SLC6A20: variants seen among roughly 807,000 people sequenced by gnomAD.
The protein encoded by SLC6A20 is sodium- and chloride-dependent transporter XTRP3.
Under a neutral mutation model 64.3 loss-of-function variants are expected in SLC6A20, and 73 were observed. The ratio of observed to expected loss-of-function variants is 1.14; its 90% CI spans 0.94 to 1.38. SLC6A20 has a LOEUF of 1.38. Ranked by LOEUF, SLC6A20 falls within the 40% of genes most tolerant of loss-of-function variation. The pLI, the probability that SLC6A20 is intolerant of heterozygous loss-of-function variation, is 0.00. For missense variants in SLC6A20, 725 were observed against 772.8 expected (o/e 0.94, Z 0.73); for synonymous variants, 347 against 329.6 (o/e 1.05, Z -0.57).
At chr3:45,762,673 C>T (rs1408042415) in intron 9 of SLC6A20, among the ~76,000 whole-genome samples, 1 of 152,178 alleles carries the variant, frequency 6.6e-6, no homozygotes, top group Non-Finnish European at 1.5e-5. Flanking sequence ...CCTAAAACAG[C>T]CTATGATACA....
chr3:45,771,507 A>C (rs774394238), intron 5 of SLC6A20, 49 bp from the exon 6 acceptor site: 1 of 1,607,850 alleles, frequency 6.2e-7, no homozygotes, highest in Non-Finnish European at 8.5e-7. Flanking sequence ...TGGAATCCCA[A>C]ATGCTCAGAC....
intron 8 of SLC6A20, among the ~76,000 whole-genome samples, chr3:45,764,708 CAAAAAAA>C (rs71288017): frequency 1.9e-5 from 2 of 107,256 alleles, no homozygotes; most frequent in African/African-American, 3.6e-5. Context: ...TCTTTAAAAA[CAAAAAAA>C]AAAAAAAAAG....
At chr3:45,772,638 T>C (rs777578691) in intron 4 of SLC6A20, 23 bp from the exon 5 acceptor site, 4 of 1,598,424 alleles carry the variant, frequency 2.5e-6, no homozygotes, top group Non-Finnish European at 3.4e-6. Context: ...GAGGGCAGAG[T>C]TGGCCTCCCG....
rs898309413 is a variant in SLC6A20, at chr3:45,772,317, T to A, written c.693+188A>T. The stretch of plus-strand genomic sequence containing the variant: ...CTCCAGAATTAACAGGGAGTGGGGA[T>A]GACCTGGCTGAGGAGGTGATCCAGT... On this transcript the variant is annotated intron_variant, in intron 5 of 10. Coordinates refer to ENST00000358525, the MANE Select transcript of SLC6A20 (RefSeq NM_020208.4). The A allele has an allele frequency of 5.6e-6, 3 of 540,072 alleles. No homozygotes were observed. In the African/African-American group the frequency reaches 5.9e-5, roughly 11 times the overall value. The allele number at this position is 540,072 out of a possible 1,614,324, so 33.5% of individuals were successfully genotyped here. A position where few individuals can be genotyped will look rare whatever the true frequency, so the allele number is the denominator to read the frequency against.
At chr3:45,777,235 T>C (rs1234165780) in intron 3 of SLC6A20, among the ~76,000 whole-genome samples, 1 of 152,196 alleles carries the variant, frequency 6.6e-6, no homozygotes, top group Admixed American at 6.5e-5. Flanking sequence ...TCATGGCTAC[T>C]GTGCCAGTAG....
chr3:45,759,907 C>G lies in SLC6A20; in HGVS notation c.1579G>C (p.Asp527His). ...TTCAGGGTCCCCGTGAGGATGTAGT[C>G]GCTCAGGTAGAAGACAAAGAGGCTG... ...IVSLFVFYLS[D>H]YILTGTLKYQ... Residue 527 changes from aspartate (D) to histidine (H), a missense_variant, in exon 10 of 11, where the codon GAC becomes CAC. Coordinates refer to ENST00000358525, the MANE Select transcript of SLC6A20 (RefSeq NM_020208.4). The G allele has an allele frequency of 6.2e-7, 1 of 1,614,162 alleles. No individual in the cohort carries two copies. Among genetic ancestry groups the G allele is most frequent in the Non-Finnish European group, 8.5e-7 (1 of 1,180,024 alleles).
At chr3:45,789,688 G>T (rs1700218409) in intron 1 of SLC6A20, among the ~76,000 whole-genome samples, 2 of 152,152 alleles carry the variant, frequency 1.3e-5, no homozygotes, top group East Asian at 3.8e-4. Context: ...TTACCTCTGG[G>T]TGGTGGAATT....
intron 8 of SLC6A20, among the ~76,000 whole-genome samples, chr3:45,764,734 C>A (rs7620663): frequency 0.39 from 52,396 of 135,220 alleles, 9,630 homozygotes; most frequent in African/African-American, 0.45. Flanking sequence ...AGGAAAAAAA[C>A]CCCTAAAATG....
Position 45,796,431 on chromosome 3 carries a change from C to G in SLC6A20, c.-12G>C. 1 of 1,606,964 alleles carries G rather than the reference C, an allele frequency of 6.2e-7. No individual in the cohort carries two copies. Among genetic ancestry groups the G allele is most frequent in the Non-Finnish European group, 8.5e-7 (1 of 1,176,956 alleles). On this transcript the variant is annotated 5_prime_UTR_variant, in exon 1 of 11. Transcript: ENST00000358525. ...CGCGCTTTCTCCATGGCCCCGGCCT[C>G]GGCGCGCTCGGCTCCGGCTCGGGGG...
At position 45,756,090 on chromosome 3, in the gene SLC6A20, C is replaced by T. The variant is rs1315306138; in HGVS notation, c.*2888G>A. On this transcript the variant is annotated 3_prime_UTR_variant, in exon 11 of 11. Coordinates refer to ENST00000358525, the MANE Select transcript of SLC6A20 (RefSeq NM_020208.4). Reference sequence around the variant, plus strand: ...CTTCCAGAAGGTCTGATGGGTGGCCCCAGGGTGTGGTGTGGGCATCTGGAG... The same window carrying T: ...CTTCCAGAAGGTCTGATGGGTGGCCTCAGGGTGTGGTGTGGGCATCTGGAG... 4 of 152,262 alleles carry T rather than the reference C, an allele frequency of 2.6e-5. No homozygotes were observed. The highest frequency in any genetic ancestry group is 4.4e-5 in the Non-Finnish European group (3 of 68,130). 9.4% of individuals were successfully genotyped at this position (152,262 alleles called of 1,614,324 possible). A position where few individuals can be genotyped will look rare whatever the true frequency, so the allele number is the denominator to read the frequency against.
intron 5 of SLC6A20, 82 bp from the exon 6 acceptor site, chr3:45,771,540 A>G: frequency 5.1e-6 from 8 of 1,582,472 alleles, no homozygotes; most frequent in Non-Finnish European, 6.9e-6. Context: ...AGTAGCCCAG[A>G]GAGGGGAAGG....
At chr3:45,774,625 G>A (rs768499092) in intron 4 of SLC6A20, among the ~76,000 whole-genome samples, 3 of 152,174 alleles carry the variant, frequency 2.0e-5, no homozygotes, top group Non-Finnish European at 4.4e-5. Context: ...TGTCCCATGG[G>A]CCCTGGAATA....
In SLC6A20 at chr3:45,796,348, G is replaced by A. The variant is rs1260613631; in HGVS notation, c.72C>T (p.Gly24=). The A allele has an allele frequency of 6.2e-7, 1 of 1,612,718 alleles. No individual in the cohort carries two copies. The highest frequency in any genetic ancestry group is 1.1e-5 in the South Asian group (1 of 90,952). The change falls in exon 1 of 11, where the codon GGC becomes GGT. Residue 24 remains glycine, a synonymous_variant. Coordinates refer to ENST00000358525, the MANE Select transcript of SLC6A20 (RefSeq NM_020208.4). ...FVFACISYAV[G]LGNVWRFPYL... The stretch of plus-strand genomic sequence containing the variant: ...ACGGGAATCGCCACACGTTGCCCAG[G>A]CCCACGGCGTACGAGATGCAGGCGA...
chr3:45,782,842 G>T (rs1317189753), intron 1 of SLC6A20, among the ~76,000 whole-genome samples: 1 of 152,192 alleles, frequency 6.6e-6, no homozygotes, highest in Non-Finnish European at 1.5e-5. Context: ...GAGGCAAACT[G>T]CCACTGTCCC....
intron 3 of SLC6A20, among the ~76,000 whole-genome samples, chr3:45,779,101 C>T (rs759797085): frequency 4.6e-5 from 7 of 152,332 alleles, no homozygotes; most frequent in Non-Finnish European, 7.3e-5. Context: ...ATCTTGCTTG[C>T]GGACCTTGGG....
rs575745144 is a variant in SLC6A20 at position 45,780,090 on chromosome 3, G to A, written c.273C>T (p.Ser91=). The change falls in exon 3 of 11, where the codon AGC becomes AGT. Residue 91 remains serine, a synonymous_variant. Transcript: ENST00000358525. ...SPYLSGVGVA[S]VVVSFFLSMY... ...TGGAGAGGAAGAAAGAGACCACCAC[G>A]CTGGCGACCCCTGCGAGGAAGCAGA... 21 of 1,593,724 alleles carry A rather than the reference G, an allele frequency of 1.3e-5. No homozygotes were observed. Among genetic ancestry groups the A allele is most frequent in the East Asian group, 4.5e-5 (2 of 44,016 alleles).
chr3:45,787,627 G>A (rs1348698938), intron 1 of SLC6A20, among the ~76,000 whole-genome samples: 3 of 152,040 alleles, frequency 2.0e-5, no homozygotes, highest in Admixed American at 2.0e-4. Flanking sequence ...CTTCCTCCAA[G>A]TGTCACCAGA....
chr3:45,787,967 A>G (rs1700196450), intron 1 of SLC6A20, among the ~76,000 whole-genome samples: 2 of 152,118 alleles, frequency 1.3e-5, no homozygotes, highest in African/African-American at 4.8e-5. Context: ...ATAACTTTGG[A>G]TAGGGTCTCG....
At chr3:45,760,386 G>A (rs936689443) in intron 9 of SLC6A20, among the ~76,000 whole-genome samples, 5 of 152,240 alleles carry the variant, frequency 3.3e-5, no homozygotes, top group African/African-American at 1.2e-4. Context: ...GGTCATCAAT[G>A]ACAGGGACTT....
Sources: allele counts gnomAD v4.1 joint callset (sites outside exome capture counted in the v4.1 genomes callset), GRCh38; gene constraint gnomAD v4.1.1; transcripts MANE v1.5; gene names NCBI Gene and HGNC (gene_info 2026-07-23, HGNC 2026-07-21).